The following IL6ST variants were observed in gnomAD, a reference collection of about 807,000 sequenced individuals.
The protein encoded by IL6ST is interleukin-6 receptor subunit beta.
In IL6ST, 24 loss-of-function variants were observed where a neutral mutation model predicts 91.3. The observed-to-expected ratio is 0.26, with a 90% confidence interval of 0.19 to 0.37. The LOEUF is 0.37. Among genes scored for constraint, IL6ST ranks in the 10% least tolerant of loss-of-function variants. The probability of loss-of-function intolerance (pLI) is 1.00; values close to 1 mark genes in which losing one functional copy is unlikely to be tolerated. For synonymous variants in IL6ST, 351 were observed against 373.6 expected (o/e 0.94, Z 0.70); for missense variants, 914 against 1,078.5 (o/e 0.85, Z 2.14).
intron 15 of IL6ST, chr5:55,944,626 T>C: frequency 2.8e-6 from 2 of 718,272 alleles, no homozygotes; most frequent in Middle Eastern, 3.7e-4. Flanking sequence ...CTCTCGGCCT[T>C]AGCGCCATTT....
intron 2 of IL6ST, among the ~76,000 whole-genome samples, chr5:55,976,987 T>G (rs1216879406): frequency 1.3e-5 from 2 of 152,120 alleles, no homozygotes; most frequent in Non-Finnish European, 2.9e-5. Context: ...TAAAAACATA[T>G]GCCCACAATA....
intron 15 of IL6ST, among the ~76,000 whole-genome samples, chr5:55,943,778 A>C (rs1407241758): frequency 6.6e-6 from 1 of 152,136 alleles, no homozygotes. Flanking sequence ...GGGAAAAAAA[A>C]ACACAAAGCG....
chr5:55,970,520 G>T (rs548856914), intron 3 of IL6ST, among the ~76,000 whole-genome samples: 76 of 152,086 alleles, frequency 5.0e-4, no homozygotes, highest in South Asian at 1.0e-3. Flanking sequence ...GATGCCATCT[G>T]TACTAAAAAC....
intron 8 of IL6ST, among the ~76,000 whole-genome samples, chr5:55,959,011 A>G (rs973862088): frequency 6.6e-6 from 1 of 152,114 alleles, no homozygotes; most frequent in Non-Finnish European, 1.5e-5. Context: ...ACTCAAACAG[A>G]ATAAAGAACA....
intron 14 of IL6ST, among the ~76,000 whole-genome samples, chr5:55,949,930 G>A (rs569991908): frequency 2.6e-5 from 4 of 152,302 alleles, no homozygotes; most frequent in Admixed American, 6.5e-5. Flanking sequence ...AAGAAAGAAT[G>A]TTGGTTAAGT....
chr5:55,943,979 G>A (rs901099211), intron 15 of IL6ST, among the ~76,000 whole-genome samples: 1 of 152,144 alleles, frequency 6.6e-6, no homozygotes, highest in Non-Finnish European at 1.5e-5. Flanking sequence ...TCGGGTGGCT[G>A]AGGCAGGAGA....
chr5:55,966,415 T>C (rs962043377), intron 5 of IL6ST, among the ~76,000 whole-genome samples: 1 of 152,222 alleles, frequency 6.6e-6, no homozygotes, highest in Admixed American at 6.5e-5. Flanking sequence ...AGTCATGTTC[T>C]ATGTCTTGAT....
intron 11 of IL6ST, among the ~76,000 whole-genome samples, chr5:55,954,499 C>T (rs544609365): frequency 2.0e-5 from 3 of 152,306 alleles, no homozygotes; most frequent in Non-Finnish European, 2.9e-5. Flanking sequence ...GTACAGAGAA[C>T]ATATAACTAA....
rs1403137856 is a variant in IL6ST at position 55,944,880 on chromosome 5, G to A, written c.1938-2129C>T. 2.3e-5 allele frequency: 13 copies of A among 570,954 alleles called. No homozygotes were observed. In the East Asian group the frequency reaches 3.1e-4, roughly 14 times the overall value. 35.4% of individuals were successfully genotyped at this position (570,954 alleles called of 1,614,324 possible). A position where few individuals can be genotyped will look rare whatever the true frequency, so the allele number is the denominator to read the frequency against. Reference sequence around the variant, plus strand: ...AGAACTTCATCGCCCTCTGATCGCCGATCACCTCTGAGACCCACCTTGCTC... The same window carrying A: ...AGAACTTCATCGCCCTCTGATCGCCAATCACCTCTGAGACCCACCTTGCTC... On this transcript the variant is annotated intron_variant, in intron 15 of 16. Transcript: ENST00000381298.
chr5:55,950,347 G>A, intron 14 of IL6ST: 1 of 337,734 alleles, frequency 3.0e-6, no homozygotes, highest in Non-Finnish European at 5.9e-6. Flanking sequence ...GACCATCCCA[G>A]CCAACATGGT....
At chr5:55,969,979 A>C (rs1752869462) in intron 3 of IL6ST, 124 bp from the exon 4 acceptor site, 1 of 584,064 alleles carries the variant, frequency 1.7e-6, no homozygotes. Context: ...AAGACACAGA[A>C]AAAGACAATA....
At chr5:55,953,564 T>C (rs1003223874) in intron 11 of IL6ST, among the ~76,000 whole-genome samples, 67 of 152,156 alleles carry the variant, frequency 4.4e-4, no homozygotes, top group Admixed American at 2.2e-3. Flanking sequence ...TGATTTTGTT[T>C]TAGTAGAGAC....
At chr5:55,945,142 A>G (rs1394657322) in intron 15 of IL6ST, among the ~76,000 whole-genome samples, 1 of 152,156 alleles carries the variant, frequency 6.6e-6, no homozygotes, top group African/African-American at 2.4e-5. Context: ...GTTTTAAAAA[A>G]GTTGACAAGC....
chr5:55,977,972 C>A (rs191947329), intron 2 of IL6ST, among the ~76,000 whole-genome samples: 1 of 151,706 alleles, frequency 6.6e-6, no homozygotes, highest in Non-Finnish European at 1.5e-5. Flanking sequence ...GCACTCCAGC[C>A]TGGGCAACAA....
intron 8 of IL6ST, among the ~76,000 whole-genome samples, chr5:55,959,958 TC>T (rs200224704): frequency 0.034 from 5,163 of 152,116 alleles, 170 homozygotes; most frequent in African/African-American, 0.087. Context: ...TGACCTTGGC[TC>T]ACTGCAACCT....
At chr5:55,949,838 C>G (rs1444211806) in intron 14 of IL6ST, among the ~76,000 whole-genome samples, 1 of 152,116 alleles carries the variant, frequency 6.6e-6, no homozygotes. Context: ...TTATCATTAA[C>G]TAGGCTGGCA....
intron 3 of IL6ST, among the ~76,000 whole-genome samples, chr5:55,973,372 A>G (rs938052706): frequency 1.3e-5 from 2 of 152,100 alleles, no homozygotes; most frequent in Non-Finnish European, 2.9e-5. Flanking sequence ...ACTCCAGCCA[A>G]TGGAGTGTGC....
chr5:55,968,812 G>A (rs542809632), intron 4 of IL6ST, among the ~76,000 whole-genome samples: 19 of 152,170 alleles, frequency 1.2e-4, no homozygotes, highest in Non-Finnish European at 2.4e-4. Context: ...CTCGTTGGAA[G>A]AAAAGCAAAT....
chr5:55,942,549 C>T, intron 16 of IL6ST, 121 bp downstream of exon 16: 1 of 531,658 alleles, frequency 1.9e-6, no homozygotes, highest in East Asian at 3.1e-5. Context: ...TTTGATTCAG[C>T]TTGAATATCT....
Sources: gnomAD v4.1 joint callset for allele counts (sites outside exome capture counted in the v4.1 genomes callset) on GRCh38, gnomAD v4.1.1 for gene constraint, MANE v1.5 for transcripts, NCBI Gene and HGNC (gene_info 2026-07-23, HGNC 2026-07-21) for gene names.